The following MARCHF1 variants were observed in gnomAD, a reference collection of about 807,000 sequenced individuals.
MARCHF1 encodes E3 ubiquitin-protein ligase MARCHF1.
Under a neutral mutation model 54.2 loss-of-function variants are expected in MARCHF1, and 40 were observed. The observed-to-expected ratio is 0.74, with a 90% CI of 0.57 to 0.96. The LOEUF (loss-of-function observed/expected upper bound fraction) is 0.96, where lower values mean the gene tolerates loss of function less well. Among genes scored for constraint, MARCHF1 ranks in the 40% least tolerant of loss-of-function variants. MARCHF1 has a pLI of 0.00. For missense variants in MARCHF1, 586 were observed against 656.5 expected, an observed-to-expected ratio of 0.89 and a Z score of 1.17; for synonymous variants, 236 against 236.3, an observed-to-expected ratio of 1.00 and a Z score of 0.01.
At chr4:164,303,566 G>C (rs1162011816) in intron 1 of MARCHF1, among the ~76,000 whole-genome samples, 1 of 152,176 alleles carries the variant, frequency 6.6e-6, no homozygotes, top group African/African-American at 2.4e-5. Context: ...CTGGCACAGA[G>C]TAAATAAATT....
At chr4:164,104,025 T>C (rs1346737745) in intron 2 of MARCHF1, among the ~76,000 whole-genome samples, 1 of 151,470 alleles carries the variant, frequency 6.6e-6, no homozygotes, top group African/African-American at 2.4e-5. Context: ...AAGAAATGGA[T>C]AAATTCCTGG....
intron 5 of MARCHF1, among the ~76,000 whole-genome samples, chr4:163,657,207 A>T (rs1743179241): frequency 6.6e-6 from 1 of 152,254 alleles, no homozygotes; most frequent in Admixed American, 6.5e-5. Flanking sequence ...CAAATTCAGC[A>T]AAGTCTCAGG....
At chr4:163,591,818 C>T (rs1240807564) in intron 7 of MARCHF1, among the ~76,000 whole-genome samples, 2 of 152,092 alleles carry the variant, frequency 1.3e-5, no homozygotes, top group East Asian at 3.8e-4. Context: ...CTTTAATTTG[C>T]ATTTGAGGAA....
intron 2 of MARCHF1, among the ~76,000 whole-genome samples, chr4:164,053,535 T>C (rs1754418665): frequency 6.6e-6 from 1 of 152,330 alleles, no homozygotes. Flanking sequence ...TCTGGTCTAG[T>C]AGAGCTTTTA....
chr4:163,739,931 T>A (rs1389565961), intron 4 of MARCHF1, among the ~76,000 whole-genome samples: 1 of 152,214 alleles, frequency 6.6e-6, no homozygotes, highest in African/African-American at 2.4e-5. Flanking sequence ...ATTCCACCCA[T>A]AAGTCAAAAT....
At chr4:164,375,830 C>G (rs1731175423) in intron 1 of MARCHF1, among the ~76,000 whole-genome samples, 2 of 152,176 alleles carry the variant, frequency 1.3e-5, no homozygotes, top group African/African-American at 2.4e-5. Flanking sequence ...CTTGAGCACA[C>G]TTCATTTCTC....
At chr4:164,318,314 G>A (rs1735050831) in intron 1 of MARCHF1, among the ~76,000 whole-genome samples, 1 of 152,062 alleles carries the variant, frequency 6.6e-6, no homozygotes, top group Non-Finnish European at 1.5e-5. Context: ...CACAGTGCAA[G>A]GCAATGTTTG....
chr4:164,375,961 C>G (rs1445288122), intron 1 of MARCHF1, among the ~76,000 whole-genome samples: 1 of 152,212 alleles, frequency 6.6e-6, no homozygotes, highest in Non-Finnish European at 1.5e-5. Context: ...TCAAACTCCC[C>G]TCTAATAGGC....
intron 2 of MARCHF1, among the ~76,000 whole-genome samples, chr4:164,011,136 A>G (rs143604710): frequency 1.3e-4 from 20 of 152,278 alleles, no homozygotes; most frequent in African/African-American, 4.8e-4. Context: ...GAAGATTTAA[A>G]TCTAAAACCT....
chr4:164,235,220 T>A (rs1203850129), intron 1 of MARCHF1, among the ~76,000 whole-genome samples: 1 of 152,254 alleles, frequency 6.6e-6, no homozygotes, highest in Non-Finnish European at 1.5e-5. Flanking sequence ...ACAAGGACTA[T>A]GGGAATAGTC....
chr4:163,960,179 G>T (rs758686845), intron 3 of MARCHF1, among the ~76,000 whole-genome samples: 2 of 151,914 alleles, frequency 1.3e-5, no homozygotes, highest in Non-Finnish European at 2.9e-5. Context: ...GATTGTAGAA[G>T]AAAGGGAACA....
chr4:164,108,418 TG>T (rs1257194682), intron 2 of MARCHF1, among the ~76,000 whole-genome samples: 2 of 152,090 alleles, frequency 1.3e-5, no homozygotes, highest in Admixed American at 1.3e-4. Context: ...ATTCATTCAT[TG>T]TTTTTTTTTC....
intron 1 of MARCHF1, among the ~76,000 whole-genome samples, chr4:164,168,996 T>C (rs1216299800): frequency 6.6e-6 from 1 of 152,078 alleles, no homozygotes; most frequent in African/African-American, 2.4e-5. Context: ...CTATGTAGGA[T>C]GAGCCAGTTT....
intron 1 of MARCHF1, among the ~76,000 whole-genome samples, chr4:164,366,133 A>G (rs1418569529): frequency 6.6e-6 from 1 of 152,110 alleles, no homozygotes; most frequent in Non-Finnish European, 1.5e-5. Context: ...AAGTTGTGTT[A>G]AAATCCTGAC....
chr4:163,721,662 ACTTT>A (rs1161203298), intron 4 of MARCHF1, among the ~76,000 whole-genome samples: 3 of 151,910 alleles, frequency 2.0e-5, no homozygotes, highest in African/African-American at 4.8e-5. Flanking sequence ...CTGGTCCTGG[ACTTT>A]CTTTGTTTGG....
intron 3 of MARCHF1, among the ~76,000 whole-genome samples, chr4:163,934,988 C>A (rs1166792023): frequency 6.6e-6 from 1 of 152,064 alleles, no homozygotes; most frequent in Non-Finnish European, 1.5e-5. Flanking sequence ...TACAGTACAG[C>A]CTTAAAAACT....
chr4:163,769,234 T>C, intron 4 of MARCHF1, among the ~76,000 whole-genome samples: 1 of 152,140 alleles, frequency 6.6e-6, no homozygotes, highest in East Asian at 1.9e-4. Flanking sequence ...CTAGAAGAAA[T>C]AATTTACCAA....
chr4:163,776,753 A>G (rs892511248), intron 4 of MARCHF1, among the ~76,000 whole-genome samples: 4 of 152,194 alleles, frequency 2.6e-5, no homozygotes, highest in African/African-American at 9.6e-5. Flanking sequence ...AAAATTGTAT[A>G]AGCAAGACAA....
At chr4:163,959,381 A>AT (rs367749355) in intron 3 of MARCHF1, among the ~76,000 whole-genome samples, 2 of 152,012 alleles carry the variant, frequency 1.3e-5, no homozygotes, top group African/African-American at 2.4e-5. Context: ...ACAAAAAAAA[A>AT]GCTGGAGGCA....
Sources: gnomAD v4.1 joint callset for allele counts (sites outside exome capture counted in the v4.1 genomes callset) on GRCh38, gnomAD v4.1.1 for gene constraint, MANE v1.5 for transcripts, NCBI Gene and HGNC (gene_info 2026-07-23, HGNC 2026-07-21) for gene names.